The following EYS variants were observed in gnomAD, a reference collection of about 807,000 sequenced individuals.
EYS encodes protein eyes shut homolog.
Under a neutral mutation model 282.1 loss-of-function variants are expected in EYS, and 250 were observed. The ratio of observed to expected loss-of-function variants is 0.89; its 90% confidence interval spans 0.80 to 0.98. The LOEUF is 0.98. EYS is among the 50% of genes least tolerant of loss of function. The pLI is 0.00. For missense variants in EYS, 4,016 were observed against 3,709.0 expected, an observed-to-expected ratio of 1.08 and a Z score of -2.15; for synonymous variants, 1,355 against 1,282.9, an observed-to-expected ratio of 1.06 and a Z score of -1.20.
chr6:64,885,940 T>C (rs1767071658), intron 19 of EYS, among the ~76,000 whole-genome samples: 1 of 151,850 alleles, frequency 6.6e-6, no homozygotes, highest in African/African-American at 2.4e-5. Flanking sequence ...TCCCTCAGGA[T>C]AGAAATCCAT....
chr6:64,428,041 A>G (rs1774463692), intron 28 of EYS, among the ~76,000 whole-genome samples: 1 of 152,144 alleles, frequency 6.6e-6, no homozygotes, highest in African/African-American at 2.4e-5. Flanking sequence ...AAAGACTTAA[A>G]TTCAAAGTAT....
At chr6:64,502,663 C>T (rs1777092989) in intron 26 of EYS, among the ~76,000 whole-genome samples, 1 of 151,674 alleles carries the variant, frequency 6.6e-6, no homozygotes, top group Non-Finnish European at 1.5e-5. Context: ...GGAATAAATT[C>T]ATTTTATTTG....
intron 35 of EYS, among the ~76,000 whole-genome samples, chr6:63,961,553 A>C (rs185036210): frequency 1.6e-3 from 247 of 152,146 alleles, no homozygotes; most frequent in African/African-American, 5.6e-3. Context: ...GCCCGCCTGC[A>C]CCCACGTGAA....
chr6:64,713,961 T>A (rs1189478391), intron 22 of EYS, among the ~76,000 whole-genome samples: 1 of 152,242 alleles, frequency 6.6e-6, no homozygotes, highest in Non-Finnish European at 1.5e-5. Flanking sequence ...TTAGTTTCTT[T>A]GCTTTTCAGG....
At chr6:64,759,736 T>C (rs1251702658) in intron 22 of EYS, among the ~76,000 whole-genome samples, 2 of 152,180 alleles carry the variant, frequency 1.3e-5, no homozygotes, top group African/African-American at 4.8e-5. Context: ...GAATTATTTT[T>C]AAGAACAATC....
At chr6:64,007,372 C>CT (rs1021570050) in intron 33 of EYS, among the ~76,000 whole-genome samples, 169 of 139,724 alleles carry the variant, frequency 1.2e-3, no homozygotes, top group African/African-American at 2.8e-3. Context: ...GTGTTTGAGT[C>CT]TTTTTTTTTT....
intron 26 of EYS, among the ~76,000 whole-genome samples, chr6:64,503,273 T>C (rs1582828479): frequency 6.6e-6 from 1 of 151,950 alleles, no homozygotes; most frequent in South Asian, 2.1e-4. Flanking sequence ...AGACAGAGAG[T>C]CCTTGGGATG....
intron 19 of EYS, among the ~76,000 whole-genome samples, chr6:64,857,259 T>G (rs966047763): frequency 6.6e-6 from 1 of 152,162 alleles, no homozygotes; most frequent in Non-Finnish European, 1.5e-5. Context: ...TTTCACTGAA[T>G]CTTACAATTT....
intron 28 of EYS, among the ~76,000 whole-genome samples, chr6:64,402,488 C>A (rs1178476297): frequency 6.6e-6 from 1 of 152,136 alleles, no homozygotes; most frequent in Non-Finnish European, 1.5e-5. Flanking sequence ...AAGGTAGTGA[C>A]CTTTTCATTT....
intron 13 of EYS, among the ~76,000 whole-genome samples, chr6:65,039,176 A>G (rs1426385499): frequency 1.3e-5 from 2 of 151,532 alleles, no homozygotes; most frequent in Non-Finnish European, 3.0e-5. Flanking sequence ...ATCTAAAATT[A>G]GTGTCTTTGT....
chr6:63,870,035 T>A (rs886670517), intron 35 of EYS, among the ~76,000 whole-genome samples: 1 of 152,082 alleles, frequency 6.6e-6, no homozygotes, highest in Non-Finnish European at 1.5e-5. Context: ...CCCTGCATGG[T>A]AAGGGCAATC....
chr6:64,235,530 A>G lies in EYS; in HGVS notation c.6192-4706T>C, dbSNP rs188780590. 2.0e-3 allele frequency among the ~76,000 whole-genome samples: 303 copies of G among 152,286 alleles called. 3 individuals carry two copies. Among genetic ancestry groups the G allele is most frequent in the Admixed American group, 2.7e-3 (41 of 15,294 alleles). On this transcript the variant is annotated intron_variant, in intron 30 of 42. Transcript: ENST00000503581. ...TTGGTTCCAAGTCTTTGCTATTGTG[A>G]ATAGTGCTGCAAAAAATATATGTGT...
chr6:64,095,701 T>C (rs1019678484), intron 31 of EYS, among the ~76,000 whole-genome samples: 1 of 152,218 alleles, frequency 6.6e-6, no homozygotes, highest in African/African-American at 2.4e-5. Context: ...GTCTTGACTC[T>C]TTATCCAATT....
chr6:65,065,459 T>C (rs540122319), intron 12 of EYS, among the ~76,000 whole-genome samples: 96 of 151,774 alleles, frequency 6.3e-4, no homozygotes, highest in African/African-American at 2.1e-3. Flanking sequence ...CTCTGCTCAT[T>C]GCAAGCTCCA....
chr6:64,004,068 T>A (rs1266907564), intron 33 of EYS, among the ~76,000 whole-genome samples: 22 of 152,204 alleles, frequency 1.4e-4, no homozygotes, highest in Admixed American at 1.4e-3. Flanking sequence ...AAATCTCTAC[T>A]TGTAGAACTT....
At chr6:64,021,227 T>C (rs1769175761) in intron 33 of EYS, among the ~76,000 whole-genome samples, 1 of 152,202 alleles carries the variant, frequency 6.6e-6, no homozygotes, top group Non-Finnish European at 1.5e-5. Flanking sequence ...ATTCTTTTTC[T>C]TTCCATCACA....
chr6:63,889,311 G>C (rs1773348237), intron 35 of EYS, among the ~76,000 whole-genome samples: 1 of 152,108 alleles, frequency 6.6e-6, no homozygotes, highest in African/African-American at 2.4e-5. Context: ...GCAACCCCAA[G>C]ACACATAATC....
chr6:64,779,676 A>G (rs997451057), intron 22 of EYS, among the ~76,000 whole-genome samples: 3 of 152,226 alleles, frequency 2.0e-5, no homozygotes, highest in African/African-American at 7.2e-5. Flanking sequence ...CTTATCAATT[A>G]TAATGTGTCC....
rs1235152582 is a variant in EYS, at chr6:64,896,876, A to T, written c.2846+5237T>A. ...GAGGGGGGGGCCACCACAGTGCCTC[A>T]AAGCTGCCGTAGACAGACCGCCTCT... On this transcript the variant is annotated intron_variant, in intron 18 of 42. Coordinates refer to ENST00000503581, the MANE Select transcript of EYS (RefSeq NM_001142800.2). 3.9e-5 allele frequency among the ~76,000 whole-genome samples: 6 copies of T among 152,118 alleles called. No homozygotes were observed. The East Asian group carries it at 1.2e-3, about 29-fold the overall frequency.
Sources: gnomAD v4.1 joint callset for allele counts (sites outside exome capture counted in the v4.1 genomes callset) on GRCh38, gnomAD v4.1.1 for gene constraint, MANE v1.5 for transcripts, NCBI Gene and HGNC (gene_info 2026-07-23, HGNC 2026-07-21) for gene names.